The following MRPS5 variants were observed in gnomAD, a reference collection of about 807,000 sequenced individuals.
The protein encoded by MRPS5 is small ribosomal subunit protein uS5m.
MRPS5 carries 27 observed loss-of-function variants against 51.9 expected under a neutral mutation model. The ratio of observed to expected loss-of-function variants is 0.52; its 90% CI spans 0.38 to 0.72. The LOEUF (loss-of-function observed/expected upper bound fraction) is 0.72. Ranked by LOEUF, MRPS5 falls within the 30% of genes least tolerant of loss-of-function variation. The pLI is 0.00. For synonymous variants in MRPS5, 196 were observed against 193.2 expected, an observed-to-expected ratio of 1.01 and a Z score of -0.12; for missense variants, 570 against 545.7, an observed-to-expected ratio of 1.04 and a Z score of -0.44.
chr2:95,090,946 A>C, intron 10 of MRPS5: 1 of 166,946 alleles, frequency 6.0e-6, no homozygotes, highest in Non-Finnish European at 1.3e-5. Context: ...TTTTGGTAAC[A>C]CATCCTCTCC....
Position 95,100,455 on chromosome 2 carries a change from G to C in MRPS5, c.931+19C>G. The C allele has an allele frequency of 1.3e-6, 2 of 1,552,818 alleles. No homozygotes were observed. Among genetic ancestry groups the C allele is most frequent in the Non-Finnish European group, 8.9e-7 (1 of 1,126,450 alleles). On this transcript the variant is annotated intron_variant, in intron 10 of 11. Coordinates refer to ENST00000272418, the MANE Select transcript of MRPS5 (RefSeq NM_031902.5). ...TTCTCTGCTTTATCATCAACAAATG[G>C]TAAGAGTTTTAAAGTTACCTTTGGG...
Position 95,086,662 on chromosome 2 carries a change from A to G in MRPS5, c.*695T>C, listed in dbSNP as rs1262111047. ...ATATATATATTCCACAGAATGGGTA[A>G]AAACTTCTGTAAAGCATGTATGATA... On this transcript the variant is annotated 3_prime_UTR_variant, in exon 12 of 12. Coordinates refer to ENST00000272418, the MANE Select transcript of MRPS5 (RefSeq NM_031902.5). 2.0e-5 allele frequency among the ~76,000 whole-genome samples: 3 copies of G among 152,212 alleles called. No individual in the cohort carries two copies. The highest frequency in any genetic ancestry group is 4.4e-5 in the Non-Finnish European group (3 of 68,040).
chr2:95,108,019 CA>C (rs1676000668), intron 5 of MRPS5, among the ~76,000 whole-genome samples, 155 bp downstream of exon 5: 1 of 152,186 alleles, frequency 6.6e-6, no homozygotes, highest in Non-Finnish European at 1.5e-5. Context: ...CCACAAAATA[CA>C]GTTGGGATAT....
At chr2:95,090,279 G>A (rs1675423681) in intron 11 of MRPS5, 107 bp downstream of exon 11, 3 of 1,136,360 alleles carry the variant, frequency 2.6e-6, no homozygotes, top group Admixed American at 2.2e-5. Context: ...AACTCCTCAG[G>A]TGGCCCCAGG....
intron 10 of MRPS5, chr2:95,091,720 C>T (rs939752678): frequency 6.6e-6 from 1 of 152,182 alleles, no homozygotes; most frequent in Non-Finnish European, 1.5e-5. Flanking sequence ...AAAAACTATT[C>T]CTTCTACTTG....
chr2:95,095,606 C>G (rs1183418283), intron 10 of MRPS5, among the ~76,000 whole-genome samples: 1 of 152,184 alleles, frequency 6.6e-6, no homozygotes, highest in East Asian at 1.9e-4. Context: ...TGAATGACTA[C>G]TGGGTAAATA....
In MRPS5 at chr2:95,087,549, G is replaced by A; in HGVS notation, c.1101C>T (p.Gly367=). Residue 367 remains glycine (G), a synonymous_variant, in exon 12 of 12, where the codon GGC becomes GGT. Coordinates refer to ENST00000272418, the MANE Select transcript of MRPS5 (RefSeq NM_031902.5). The part of the protein sequence containing the change: ...ETHQQLADKK[G]LHVVEIREEC... ...CCTCCCGGATTTCCACAACATGGAG[G>A]CCCTTCTTATCAGCCAGCTGTTGAT... 6.2e-7 allele frequency: 1 copy of A among 1,613,968 alleles called. No individual in the cohort carries two copies. Among genetic ancestry groups the A allele is most frequent in the Non-Finnish European group, 8.5e-7 (1 of 1,179,924 alleles).
intron 1 of MRPS5, among the ~76,000 whole-genome samples, chr2:95,121,040 C>T (rs1233622904): frequency 2.6e-5 from 4 of 152,152 alleles, no homozygotes; most frequent in Non-Finnish European, 4.4e-5. Context: ...ATCGCTTGAA[C>T]CCGGGAGGCG....
intron 1 of MRPS5, among the ~76,000 whole-genome samples, chr2:95,119,859 T>TA (rs890968453): frequency 1.9e-4 from 29 of 152,134 alleles, no homozygotes; most frequent in African/African-American, 5.6e-4. Context: ...ACCCAGGAGT[T>TA]AGAGACCAGC....
rs200078057 is a variant in MRPS5, at chr2:95,090,537, A to C, written c.932-15T>G. 2.2e-4 allele frequency: 359 copies of C among 1,613,732 alleles called. 3 individuals are homozygous for C. In the East Asian group the frequency reaches 3.4e-3, roughly 15 times the overall value. On this transcript the variant is annotated splice_polypyrimidine_tract_variant and intron_variant, in intron 10 of 11. Transcript: ENST00000272418. ...GAGGCCGTAACCTAGAAAAGGAGAAACCGGGTGAAACACAGCCCACTCGCC... is the reference window on the plus strand; with the variant it reads ...GAGGCCGTAACCTAGAAAAGGAGAACCCGGGTGAAACACAGCCCACTCGCC...
intron 2 of MRPS5, among the ~76,000 whole-genome samples, chr2:95,115,913 T>A (rs1014261283): frequency 6.6e-6 from 1 of 151,798 alleles, no homozygotes; most frequent in Non-Finnish European, 1.5e-5. Context: ...ATTTTCTTTT[T>A]TTTTTTTTTT....
intron 11 of MRPS5, among the ~76,000 whole-genome samples, chr2:95,087,922 T>C (rs1025992035): frequency 1.3e-5 from 2 of 148,952 alleles, no homozygotes; most frequent in South Asian, 2.1e-4. Flanking sequence ...TTACAGTAAA[T>C]ATAGGGGAGA....
At chr2:95,101,878 G>A (rs1675815078) in intron 7 of MRPS5, 155 bp from the exon 8 acceptor site, 1 of 595,742 alleles carries the variant, frequency 1.7e-6, no homozygotes, top group South Asian at 2.1e-5. Flanking sequence ...AATAGGCTGG[G>A]TGTAATGATT....
chr2:95,116,359 AATC>A (rs1168010184), intron 2 of MRPS5, among the ~76,000 whole-genome samples: 2 of 152,002 alleles, frequency 1.3e-5, no homozygotes, highest in South Asian at 4.1e-4. Flanking sequence ...AAAAGTGTAA[AATC>A]ATTACTAATA....
At chr2:95,087,645 A>ACTTC in intron 11 of MRPS5, 64 bp from the exon 12 acceptor site, 1 of 1,409,480 alleles carries the variant, frequency 7.1e-7, no homozygotes, top group South Asian at 1.3e-5. Flanking sequence ...AAGAGCAGGA[A>ACTTC]CTTCCACAGG....
Position 95,087,397 on chromosome 2 carries a change from T to G in MRPS5, c.1253A>C (p.Lys418Thr). ...WEDVKTAQGM[K>T]RSVWSNLKRA... is the part of the protein sequence containing the mutation. ...CTTCAAATTAGACCACACAGAGCGC[T>G]TCATTCCCTGTGCAGTCTTCACATC... Residue 418 changes from lysine to threonine, a missense_variant, in exon 12 of 12, where the codon AAG becomes ACG. Transcript: ENST00000272418. 1 of 1,614,180 alleles carries G rather than the reference T, an allele frequency of 6.2e-7. No homozygotes were observed. Among genetic ancestry groups the G allele is most frequent in the Non-Finnish European group, 8.5e-7 (1 of 1,180,046 alleles).
chr2:95,100,544 G>T lies in MRPS5; in HGVS notation c.869-8C>A. On this transcript the variant is annotated splice_region_variant and splice_polypyrimidine_tract_variant and intron_variant, in intron 9 of 11. Transcript: ENST00000272418. ...ATGAAATATCATGGAATACTGGAGG[G>T]TAAAAACATAAACACAAGAGGATTA... The T allele has an allele frequency of 6.3e-7, 1 of 1,594,770 alleles. No homozygotes were observed.
chr2:95,088,724 A>C (rs906266924), intron 11 of MRPS5, among the ~76,000 whole-genome samples: 4 of 152,238 alleles, frequency 2.6e-5, no homozygotes, highest in Non-Finnish European at 5.9e-5. Flanking sequence ...ACATATGGTA[A>C]CTATATCAGA....
chr2:95,110,102 T>G, intron 3 of MRPS5, 61 bp from the exon 4 acceptor site: 1 of 1,568,892 alleles, frequency 6.4e-7, no homozygotes, highest in Non-Finnish European at 8.6e-7. Context: ...GTCTATGATC[T>G]CCTATTGAAT....
Sources: allele counts gnomAD v4.1 joint callset (sites outside exome capture counted in the v4.1 genomes callset), GRCh38; gene constraint gnomAD v4.1.1; transcripts MANE v1.5; gene names NCBI Gene and HGNC (gene_info 2026-07-23, HGNC 2026-07-21).